Variants in TMEM25 observed in about 807,000 individuals in gnomAD.
TMEM25 encodes 0610039J01Rik.
A neutral mutation model predicts 37.0 loss-of-function variants in TMEM25; 36 were observed. That is an observed-to-expected ratio of 0.97 (90% CI 0.75 to 1.28). The LOEUF is 1.28. Ranked by LOEUF, TMEM25 falls within the 50% of genes most tolerant of loss-of-function variation. The probability of loss-of-function intolerance (pLI) is 0.00; values close to 1 mark genes in which losing one functional copy is unlikely to be tolerated. For missense variants in TMEM25, 444 were observed against 477.9 expected (o/e 0.93, Z 0.66); for synonymous variants, 197 against 203.7 (o/e 0.97, Z 0.28).
rs782759708 is a variant in TMEM25, at chr11:118,533,107, C to T, written c.573C>T (p.Thr191=). 11 of 1,613,688 alleles carry T rather than the reference C, an allele frequency of 6.8e-6. No individual in the cohort carries two copies. In the Admixed American group the frequency reaches 1.8e-4, roughly 27 times the overall value. The change falls in exon 4 of 9, where the codon ACC becomes ACT. Residue 191 remains threonine (T), a synonymous_variant. Coordinates refer to ENST00000313236, the MANE Select transcript of TMEM25 (RefSeq NM_032780.4). ...ATGCGCAGAACTACCCCTGGCTCAC[C>T]AACCACACGGTGCAGCTGCAGCTCC... ...VLDAQNYPWL[T]NHTVQLQLRS...
At chr11:118,546,225 G>A in exon 9 of TMEM25, 1 of 714,928 alleles carries the variant, frequency 1.4e-6, no homozygotes, top group Non-Finnish European at 2.6e-6. Context: ...GGTGGGGCGT[G>A]GTGGCTTCAC....
chr11:118,538,394 C>T (rs562100082), downstream of TMEM25, among the ~76,000 whole-genome samples: 1 of 152,168 alleles, frequency 6.6e-6, no homozygotes, highest in African/African-American at 2.4e-5. Context: ...GTCTTGAACT[C>T]CTGACCTCGT....
exon 9 of TMEM25, chr11:118,546,414 C>G: frequency 2.2e-6 from 1 of 445,322 alleles, no homozygotes; most frequent in Non-Finnish European, 4.1e-6. Flanking sequence ...CTGCTTGAGT[C>G]CAGCAGGTTG....
chr11:118,545,538 C>T (rs2277295), intron 8 of TMEM25: 228,752 of 1,513,442 alleles, frequency 0.15, 21,945 homozygotes, highest in East Asian at 0.46. Context: ...AAACAAACTC[C>T]GGGAATTAGA....
Position 118,533,486 on chromosome 11 carries a change from G to A in TMEM25, c.740G>A (p.Gly247Asp), listed in dbSNP as rs782663490. The change falls in exon 5 of 9, where the codon GGC becomes GAC. Residue 247 changes from glycine (G) to aspartate (D), a missense_variant. Transcript: ENST00000313236. Reference sequence around the variant, plus strand: ...GTTGTGGCTGCTGGGCTTGCACTGGGCACCCTCGTGGGGTTCAGCACCTTG... The same window carrying A: ...GTTGTGGCTGCTGGGCTTGCACTGGACACCCTCGTGGGGTTCAGCACCTTG... Reference protein sequence around the residue: ...GIVVAAGLALGTLVGFSTLVA... With the variant: ...GIVVAAGLALDTLVGFSTLVA... The A allele has an allele frequency of 3.1e-6, 5 of 1,614,212 alleles. No individual in the cohort carries two copies. The highest frequency in any genetic ancestry group is 3.4e-6 in the Non-Finnish European group (4 of 1,180,034).
intron 8 of TMEM25, chr11:118,545,420 T>G (rs1951654987): frequency 1.2e-6 from 2 of 1,611,752 alleles, no homozygotes; most frequent in Admixed American, 1.7e-5. Context: ...TGTGAGTTCT[T>G]GAATTCTGAG....
chr11:118,537,089 C>G (rs376673471), downstream of TMEM25, among the ~76,000 whole-genome samples: 2 of 152,144 alleles, frequency 1.3e-5, no homozygotes, highest in African/African-American at 4.8e-5. Flanking sequence ...GCCTGTAATC[C>G]TAGCACTTTG....
intron 8 of TMEM25, among the ~76,000 whole-genome samples, chr11:118,542,963 T>C (rs781908930): frequency 5.3e-5 from 8 of 149,798 alleles, no homozygotes; most frequent in Non-Finnish European, 1.0e-4. Flanking sequence ...TGGGTGAGGC[T>C]GGGCGCAGTG....
intron 8 of TMEM25, among the ~76,000 whole-genome samples, chr11:118,543,551 G>A (rs1179343251): frequency 2.0e-5 from 3 of 151,870 alleles, no homozygotes; most frequent in East Asian, 1.9e-4. Context: ...GCAGTGGCGC[G>A]ATCTTGGCTC....
chr11:118,539,255 C>T (rs1157312686), downstream of TMEM25, among the ~76,000 whole-genome samples: 6 of 147,074 alleles, frequency 4.1e-5, no homozygotes, highest in Non-Finnish European at 7.5e-5. Flanking sequence ...GCAACCTCCA[C>T]TTCCCGGGTT....
intron 1 of TMEM25, 171 bp from the exon 2 acceptor site, chr11:118,531,604 G>A (rs1555058221): frequency 1.7e-6 from 1 of 590,878 alleles, no homozygotes; most frequent in Non-Finnish European, 3.0e-6. Flanking sequence ...TCTGCTGGGT[G>A]GGTCTGTGCC....
At chr11:118,545,416 T>A (rs1009843048) in intron 8 of TMEM25, 1 of 1,609,946 alleles carries the variant, frequency 6.2e-7, no homozygotes, top group African/African-American at 1.3e-5. Context: ...CACCTGTGAG[T>A]TCTTGAATTC....
downstream of TMEM25, among the ~76,000 whole-genome samples, chr11:118,538,230 G>A (rs969233915): frequency 2.6e-5 from 4 of 151,996 alleles, no homozygotes; most frequent in Non-Finnish European, 5.9e-5. Context: ...GGAGTGCAGG[G>A]GTACGATCTC....
In TMEM25 at chr11:118,532,326, G is replaced by A; in HGVS notation, c.247G>A (p.Gly83Arg). 1 of 1,614,236 alleles carries A rather than the reference G, an allele frequency of 6.2e-7. No individual in the cohort carries two copies. The highest frequency in any genetic ancestry group is 2.2e-5 in the East Asian group (1 of 44,892). The part of the protein sequence containing the change: ...EASTSRLLSV[G>R]GEAFSGGTST... ...CAGCACCTCAAGACTGCTGAGCGTG[G>A]GAGGGGAGGCCTTCTCTGGAGGCAC... Residue 83 changes from glycine to arginine, a missense_variant, in exon 3 of 9, where the codon GGA becomes AGA. Transcript: ENST00000313236.
downstream of TMEM25, among the ~76,000 whole-genome samples, chr11:118,537,260 G>A (rs2135424950): frequency 6.6e-6 from 1 of 152,086 alleles, no homozygotes; most frequent in East Asian, 1.9e-4. Context: ...AGAAATGCTG[G>A]AACCCAGGAG....
Position 118,546,177 on chromosome 11 carries a change from G to T in TMEM25, c.*30G>T, listed in dbSNP as rs479208. ...GGGAAGACCATGGGAAGACACAGAAGATGGCCAAGAAGAGACCCCTCAGAA... is the reference window on the plus strand; with the variant it reads ...GGGAAGACCATGGGAAGACACAGAATATGGCCAAGAAGAGACCCCTCAGAA... On this transcript the variant is annotated 3_prime_UTR_variant, in exon 9 of 9. Transcript: ENST00000354284. 0.012 allele frequency: 8,569 copies of T among 718,396 alleles called. 458 individuals carry two copies. The African/African-American group carries it at 0.13, about 11-fold the overall frequency. The allele number at this position is 718,396 out of a possible 1,614,324, so 44.5% of individuals were successfully genotyped here.
rs1951493191 is a variant in TMEM25, at chr11:118,535,618, T to C, written c.*1038T>C. On this transcript the variant is annotated 3_prime_UTR_variant, in exon 9 of 9. Transcript: ENST00000313236. Reference sequence around the variant, plus strand: ...GCCACAGGCACATAATTCAACAGTGTGGAAGCTTTAGGGGAACATGGAGAA... The same window carrying C: ...GCCACAGGCACATAATTCAACAGTGCGGAAGCTTTAGGGGAACATGGAGAA... 9.0e-7 allele frequency: 1 copy of C among 1,116,276 alleles called. No homozygotes were observed. Among genetic ancestry groups the C allele is most frequent in the Non-Finnish European group, 1.2e-6 (1 of 868,212 alleles). The allele number at this position is 1,116,276 out of a possible 1,614,324, so 69.1% of individuals were successfully genotyped here.
intron 8 of TMEM25, chr11:118,545,770 G>T: frequency 6.2e-7 from 1 of 1,610,344 alleles, no homozygotes; most frequent in Non-Finnish European, 8.5e-7. Context: ...AGATGGGGAC[G>T]AGGAAAGGAA....
chr11:118,541,148 G>T (rs1265220651), intron 8 of TMEM25, among the ~76,000 whole-genome samples: 4 of 152,224 alleles, frequency 2.6e-5, no homozygotes, highest in African/African-American at 9.6e-5. Context: ...AATTTGATTT[G>T]TACTTTTCAC....
Sources: gnomAD v4.1 joint callset for allele counts (sites outside exome capture counted in the v4.1 genomes callset) on GRCh38, gnomAD v4.1.1 for gene constraint, MANE v1.5 for transcripts, NCBI Gene and HGNC (gene_info 2026-07-23, HGNC 2026-07-21) for gene names.